CNTNAP2: variants seen among roughly 807,000 people sequenced by gnomAD.
The protein encoded by CNTNAP2 is contactin-associated protein-like 2.
CNTNAP2 carries 98 observed loss-of-function variants against 155.2 expected under a neutral mutation model. The ratio of observed to expected loss-of-function variants is 0.63; its 90% CI spans 0.54 to 0.75. The LOEUF is 0.75. Ranked by LOEUF, CNTNAP2 falls within the 30% of genes least tolerant of loss-of-function variation. CNTNAP2 has a pLI of 0.00. For missense variants in CNTNAP2, 1,727 were observed against 1,688.1 expected, an observed-to-expected ratio of 1.02 and a Z score of -0.40; for synonymous variants, 651 against 631.2, an observed-to-expected ratio of 1.03 and a Z score of -0.47.
chr7:146,133,182 C>T (rs1034284194), intron 1 of CNTNAP2, among the ~76,000 whole-genome samples: 3 of 152,020 alleles, frequency 2.0e-5, no homozygotes, highest in African/African-American at 4.8e-5. Flanking sequence ...AGCATTTTTT[C>T]ATGTGTTTTT....
chr7:147,421,256 C>A (rs556418533), intron 10 of CNTNAP2, among the ~76,000 whole-genome samples: 3 of 151,886 alleles, frequency 2.0e-5, no homozygotes, highest in Non-Finnish European at 4.4e-5. Flanking sequence ...CTAATAACCA[C>A]GTTTCTGCTA....
chr7:148,005,802 G>T (rs1414679522), intron 15 of CNTNAP2, among the ~76,000 whole-genome samples: 1 of 152,168 alleles, frequency 6.6e-6, no homozygotes, highest in African/African-American at 2.4e-5. Context: ...TGCTTCAGTG[G>T]TCCAGCACGA....
intron 21 of CNTNAP2, among the ~76,000 whole-genome samples, chr7:148,282,700 T>A (rs1796995081): frequency 6.6e-6 from 1 of 152,162 alleles, no homozygotes. Flanking sequence ...TATCATCATC[T>A]TTCCATGGTT....
At chr7:147,882,705 A>C (rs1480342792) in intron 13 of CNTNAP2, among the ~76,000 whole-genome samples, 4 of 152,228 alleles carry the variant, frequency 2.6e-5, no homozygotes, top group Non-Finnish European at 5.9e-5. Flanking sequence ...GTACCTCTAT[A>C]GTCTCCCAAG....
rs935951660 is a variant in CNTNAP2 at position 148,418,914 on chromosome 7, C to G, written c.*3298C>G. On this transcript the variant is annotated 3_prime_UTR_variant, in exon 24 of 24. Coordinates refer to ENST00000361727, the MANE Select transcript of CNTNAP2 (RefSeq NM_014141.6). The stretch of plus-strand genomic sequence containing the variant: ...CATTGGCATGAGCCAAAGAGTCTGT[C>G]TTAATGTTACTTTTGAAAATCTGCT... 2.0e-5 allele frequency: 3 copies of G among 152,256 alleles called. No homozygotes were observed. The highest frequency in any genetic ancestry group is 4.8e-5 in the African/African-American group (2 of 41,454). The allele number at this position is 152,256 out of a possible 1,614,324, so 9.4% of individuals were successfully genotyped here.
chr7:147,299,842 G>A (rs903530907), intron 8 of CNTNAP2, among the ~76,000 whole-genome samples: 2 of 152,164 alleles, frequency 1.3e-5, no homozygotes, highest in Non-Finnish European at 2.9e-5. Context: ...AGCACTTTGG[G>A]AGGCCGAGGT....
At chr7:148,408,752 T>G (rs1430814436) in intron 22 of CNTNAP2, among the ~76,000 whole-genome samples, 1 of 152,220 alleles carries the variant, frequency 6.6e-6, no homozygotes, top group Non-Finnish European at 1.5e-5. Context: ...TCTATTTGCC[T>G]TTACCGGGCT....
At chr7:147,698,810 G>C (rs1563057036) in intron 13 of CNTNAP2, among the ~76,000 whole-genome samples, 1 of 152,132 alleles carries the variant, frequency 6.6e-6, no homozygotes, top group Non-Finnish European at 1.5e-5. Flanking sequence ...GCAGTACCCT[G>C]CCTCAGCCTC....
intron 1 of CNTNAP2, among the ~76,000 whole-genome samples, chr7:146,517,931 A>G (rs943505517): frequency 2.6e-5 from 4 of 151,902 alleles, no homozygotes. Flanking sequence ...GGCGCTTTCA[A>G]ATTTAAGCAA....
intron 15 of CNTNAP2, among the ~76,000 whole-genome samples, chr7:148,042,130 T>TA (rs1295468425): frequency 6.6e-6 from 1 of 152,104 alleles, no homozygotes; most frequent in Non-Finnish European, 1.5e-5. Flanking sequence ...CAATTGTGAT[T>TA]AAAAAAACAC....
chr7:148,002,508 C>G (rs1269468550), intron 15 of CNTNAP2, among the ~76,000 whole-genome samples: 1 of 152,082 alleles, frequency 6.6e-6, no homozygotes, highest in East Asian at 1.9e-4. Flanking sequence ...CCAAGAATGC[C>G]AGATTTGGGA....
intron 3 of CNTNAP2, among the ~76,000 whole-genome samples, chr7:147,024,289 A>C (rs1798862734): frequency 6.6e-6 from 1 of 152,228 alleles, no homozygotes; most frequent in Non-Finnish European, 1.5e-5. Flanking sequence ...AATGGTGGTT[A>C]CACGAATCTA....
chr7:147,244,011 T>A (rs965198266), intron 8 of CNTNAP2, among the ~76,000 whole-genome samples: 22 of 152,332 alleles, frequency 1.4e-4, no homozygotes, highest in African/African-American at 4.1e-4. Context: ...TCAGTCTGAC[T>A]TTTCTCACTC....
chr7:146,791,121 C>T (rs1025579703), intron 2 of CNTNAP2, among the ~76,000 whole-genome samples: 2 of 151,632 alleles, frequency 1.3e-5, no homozygotes, highest in African/African-American at 4.9e-5. Context: ...TCCCTGTGTC[C>T]GATGTTCCCC....
At chr7:148,000,024 A>G (rs1258532568) in intron 15 of CNTNAP2, among the ~76,000 whole-genome samples, 1 of 152,188 alleles carries the variant, frequency 6.6e-6, no homozygotes, top group Non-Finnish European at 1.5e-5. Flanking sequence ...AGCCTAATAC[A>G]GTGACTTCCT....
At chr7:146,568,714 A>G (rs73468432) in intron 1 of CNTNAP2, among the ~76,000 whole-genome samples, 1 of 152,104 alleles carries the variant, frequency 6.6e-6, no homozygotes, top group Non-Finnish European at 1.5e-5. Flanking sequence ...ACAGAAACCA[A>G]CTTTTAACCA....
intron 3 of CNTNAP2, among the ~76,000 whole-genome samples, chr7:146,931,974 C>G (rs1477699331): frequency 3.3e-5 from 5 of 151,466 alleles, no homozygotes; most frequent in South Asian, 2.1e-4. Flanking sequence ...GAGTCCAGGA[C>G]CAGATGGATT....
At chr7:148,413,889 T>C (rs1799913080) in intron 23 of CNTNAP2, among the ~76,000 whole-genome samples, 1 of 152,148 alleles carries the variant, frequency 6.6e-6, no homozygotes, top group South Asian at 2.1e-4. Context: ...CTTATGATTA[T>C]TGTTTGCATA....
intron 11 of CNTNAP2, among the ~76,000 whole-genome samples, chr7:147,518,923 C>T (rs572485934): frequency 7.1e-5 from 10 of 141,754 alleles, no homozygotes; most frequent in East Asian, 4.3e-4. Context: ...TCCAGATACT[C>T]GGGAGGCTGA....
Sources: gnomAD v4.1 joint callset for allele counts (sites outside exome capture counted in the v4.1 genomes callset) on GRCh38, gnomAD v4.1.1 for gene constraint, MANE v1.5 for transcripts, NCBI Gene and HGNC (gene_info 2026-07-23, HGNC 2026-07-21) for gene names.